The following DGKH variants were observed in gnomAD, a reference collection of about 807,000 sequenced individuals.
DGKH encodes DAG kinase eta.
Under a neutral mutation model 159.3 loss-of-function variants are expected in DGKH, and 90 were observed. That is an observed-to-expected ratio of 0.57 (90% CI 0.48 to 0.67). The LOEUF is 0.67. DGKH is among the 30% of genes least tolerant of loss of function. The probability of loss-of-function intolerance (pLI) is 0.00; values close to 1 mark genes in which losing one functional copy is unlikely to be tolerated. For missense variants in DGKH, 1,181 were observed against 1,506.1 expected (o/e 0.78, Z 3.57); for synonymous variants, 536 against 553.8 (o/e 0.97, Z 0.45).
At chr13:42,174,296 C>A in intron 12 of DGKH, 152 bp downstream of exon 12, 1 of 642,884 alleles carries the variant, frequency 1.6e-6, no homozygotes, top group Non-Finnish European at 2.6e-6. Flanking sequence ...CTGACTACCT[C>A]TAGTCCTCTC....
rs965570570 is a variant in DGKH, at chr13:42,241,387, A to G, written c.*12199A>G. The G allele has an allele frequency of 6.6e-6, 1 of 152,202 alleles. No homozygotes were observed. The highest frequency in any genetic ancestry group is 1.5e-5 in the Non-Finnish European group (1 of 68,018). The allele number at this position is 152,202 out of a possible 1,614,324, so 9.4% of individuals were successfully genotyped here. On this transcript the variant is annotated 3_prime_UTR_variant, in exon 30 of 30. Transcript: ENST00000337343. The stretch of plus-strand genomic sequence containing the variant: ...CTCCTTCCACCCAAAAAAACTAACC[A>G]AATTATTTTATCATAAAGAGGTAAT...
chr13:42,142,886 A>T (rs1400981666), intron 3 of DGKH, among the ~76,000 whole-genome samples: 1 of 152,130 alleles, frequency 6.6e-6, no homozygotes, highest in Non-Finnish European at 1.5e-5. Flanking sequence ...AATACCGTTT[A>T]TTTCCTTCTC....
Position 42,098,379 on chromosome 13 carries a change from C to T in DGKH, c.193-29084C>T, listed in dbSNP as rs571780653. Among the ~76,000 whole-genome samples the T allele has an allele frequency of 1.8e-4, 27 of 151,972 alleles. No individual in the cohort carries two copies. The East Asian group carries it at 3.5e-3, about 20-fold the overall frequency. ...GCACATGCCTGTGGTCCCAGCTACTCGGGAGGCTGAGGCATGAGAATGACT... is the reference window on the plus strand; with the variant it reads ...GCACATGCCTGTGGTCCCAGCTACTTGGGAGGCTGAGGCATGAGAATGACT... On this transcript the variant is annotated intron_variant, in intron 1 of 29. Coordinates refer to ENST00000337343, the MANE Select transcript of DGKH (RefSeq NM_178009.5).
At chr13:42,175,431 A>G (rs1349739407) in intron 12 of DGKH, among the ~76,000 whole-genome samples, 1 of 152,172 alleles carries the variant, frequency 6.6e-6, no homozygotes, top group East Asian at 1.9e-4. Context: ...GATTCCATAA[A>G]CATAACACAT....
At chr13:42,042,196 A>G (rs1880554748) in intron 1 of DGKH, among the ~76,000 whole-genome samples, 1 of 152,224 alleles carries the variant, frequency 6.6e-6, no homozygotes, top group African/African-American at 2.4e-5. Context: ...CAAATTAAAA[A>G]TACAATCCAG....
chr13:42,186,461 C>G (rs865980971), intron 13 of DGKH, among the ~76,000 whole-genome samples: 1 of 152,176 alleles, frequency 6.6e-6, no homozygotes, highest in Non-Finnish European at 1.5e-5. Context: ...ACTGCTGACA[C>G]TAACAAGACC....
chr13:42,173,773 T>C (rs914779879), intron 11 of DGKH, among the ~76,000 whole-genome samples: 1 of 152,120 alleles, frequency 6.6e-6, no homozygotes, highest in Non-Finnish European at 1.5e-5. Flanking sequence ...AACGTGTGGA[T>C]TTCTTATTGT....
intron 3 of DGKH, among the ~76,000 whole-genome samples, chr13:42,143,755 T>C (rs1955639957): frequency 6.6e-6 from 1 of 152,196 alleles, no homozygotes; most frequent in South Asian, 2.1e-4. Context: ...ATCCCCTTTA[T>C]CATTTTTTAT....
At chr13:42,147,589 G>T (rs1055089432) in intron 3 of DGKH, among the ~76,000 whole-genome samples, 1 of 152,194 alleles carries the variant, frequency 6.6e-6, no homozygotes, top group Non-Finnish European at 1.5e-5. Flanking sequence ...AAGGGAATGA[G>T]ACTAATGGAT....
chr13:42,065,659 G>T (rs866786943), intron 1 of DGKH, among the ~76,000 whole-genome samples: 3 of 152,160 alleles, frequency 2.0e-5, no homozygotes, highest in Non-Finnish European at 4.4e-5. Context: ...TGGTGGACTG[G>T]GGGTAGTTGA....
chr13:42,228,094 T>A (rs879383334), intron 29 of DGKH, among the ~76,000 whole-genome samples: 1 of 152,292 alleles, frequency 6.6e-6, no homozygotes, highest in South Asian at 2.1e-4. Flanking sequence ...TAACTGTTTC[T>A]TTTAGTTTTT....
intron 13 of DGKH, among the ~76,000 whole-genome samples, chr13:42,185,212 C>A (rs1236739210): frequency 1.3e-5 from 2 of 152,208 alleles, no homozygotes; most frequent in African/African-American, 2.4e-5. Context: ...AAGGTTACTT[C>A]ATTCCCCCAG....
chr13:42,218,409 T>C (rs1957863450), intron 26 of DGKH, among the ~76,000 whole-genome samples: 1 of 152,006 alleles, frequency 6.6e-6, no homozygotes, highest in Admixed American at 6.6e-5. Context: ...CCCTTAAGCC[T>C]ATTCTTTAAA....
chr13:42,167,171 T>G (rs1192687278), intron 9 of DGKH, among the ~76,000 whole-genome samples: 1 of 152,222 alleles, frequency 6.6e-6, no homozygotes, highest in African/African-American at 2.4e-5. Flanking sequence ...TCATATAACT[T>G]AAAATCTGTA....
chr13:42,064,940 T>A (rs1327080019), intron 1 of DGKH, among the ~76,000 whole-genome samples: 1 of 152,168 alleles, frequency 6.6e-6, no homozygotes, highest in Non-Finnish European at 1.5e-5. Context: ...AGTCCCAGTT[T>A]GAGTTCCTAT....
intron 7 of DGKH, among the ~76,000 whole-genome samples, chr13:42,160,552 C>T (rs1156587516): frequency 6.6e-6 from 1 of 152,164 alleles, no homozygotes; most frequent in Non-Finnish European, 1.5e-5. Context: ...GCACATGCAG[C>T]CGAACATGAA....
At chr13:42,123,611 C>A (rs938879827) in intron 1 of DGKH, among the ~76,000 whole-genome samples, 3 of 151,824 alleles carry the variant, frequency 2.0e-5, no homozygotes, top group African/African-American at 7.3e-5. Context: ...ATCTTGCATC[C>A]AGAATATGTA....
chr13:42,130,475 C>A (rs776197578), intron 3 of DGKH, among the ~76,000 whole-genome samples: 24 of 152,172 alleles, frequency 1.6e-4, no homozygotes, highest in Non-Finnish European at 3.4e-4. Context: ...TCAAGATATT[C>A]CTGACGTCGT....
At chr13:42,067,974 T>A (rs1433348176) in intron 1 of DGKH, among the ~76,000 whole-genome samples, 2 of 152,130 alleles carry the variant, frequency 1.3e-5, no homozygotes, top group Non-Finnish European at 2.9e-5. Flanking sequence ...AATTCTAACA[T>A]TCATTTTTTT....
Sources: allele counts gnomAD v4.1 joint callset (sites outside exome capture counted in the v4.1 genomes callset), GRCh38; gene constraint gnomAD v4.1.1; transcripts MANE v1.5; gene names NCBI Gene and HGNC (gene_info 2026-07-23, HGNC 2026-07-21).